The following GALNTL6 variants were observed in gnomAD, a reference collection of about 807,000 sequenced individuals.
GALNTL6 encodes the protein polypeptide N-acetylgalactosaminyltransferase-like 6.
GALNTL6 carries 46 observed loss-of-function variants against 73.7 expected under a neutral mutation model. That is an observed-to-expected ratio of 0.62 (90% CI 0.49 to 0.80). The LOEUF (loss-of-function observed/expected upper bound fraction) is 0.80. GALNTL6 is among the 30% of genes least tolerant of loss of function. GALNTL6 has a pLI of 0.00. For synonymous variants in GALNTL6, 259 were observed against 263.7 expected (o/e 0.98, Z 0.17); for missense variants, 604 against 755.0 (o/e 0.80, Z 2.34).
At chr4:172,516,730 A>G (rs1010917679) in intron 5 of GALNTL6, among the ~76,000 whole-genome samples, 4 of 152,186 alleles carry the variant, frequency 2.6e-5, no homozygotes, top group African/African-American at 9.7e-5. Context: ...AGATTTGTAT[A>G]TCCATGTTTA....
rs1579292125 is a variant in GALNTL6, at chr4:172,242,000, AAAAGAG to A, written c.247+12239_247+12244del. ...AATACAAATTCCTTTAATACAGTAT[AAAAGAG>A]AATGTACATTTTGATATTGATTCAT... On this transcript the variant is annotated intron_variant, in intron 3 of 12. Coordinates refer to ENST00000506823, the MANE Select transcript of GALNTL6 (RefSeq NM_001034845.3). Among the ~76,000 whole-genome samples the A allele has an allele frequency of 1.6e-4, 24 of 152,308 alleles. No homozygotes were observed. The East Asian group carries it at 4.6e-3, about 29-fold the overall frequency.
intron 7 of GALNTL6, among the ~76,000 whole-genome samples, chr4:172,877,149 AT>A (rs1745234575): frequency 6.6e-6 from 1 of 152,136 alleles, no homozygotes; most frequent in East Asian, 1.9e-4. Flanking sequence ...TAGTAAGTAA[AT>A]TTTTTAATAA....
intron 8 of GALNTL6, among the ~76,000 whole-genome samples, chr4:172,903,925 G>C (rs1746752313): frequency 4.6e-5 from 7 of 152,082 alleles, no homozygotes; most frequent in Admixed American, 4.6e-4. Context: ...CGGTAGAAAT[G>C]ATTCTATCAC....
chr4:172,149,869 C>A (rs1178583281), intron 2 of GALNTL6, among the ~76,000 whole-genome samples: 1 of 152,154 alleles, frequency 6.6e-6, no homozygotes, highest in Non-Finnish European at 1.5e-5. Context: ...AAAACACACA[C>A]AATTCCTCTT....
intron 5 of GALNTL6, among the ~76,000 whole-genome samples, chr4:172,429,705 C>T (rs974418010): frequency 2.6e-5 from 4 of 152,058 alleles, no homozygotes; most frequent in African/African-American, 9.7e-5. Context: ...AGGCTTTCAC[C>T]TTAGTCTTAC....
intron 5 of GALNTL6, among the ~76,000 whole-genome samples, chr4:172,800,585 T>C (rs1298636471): frequency 6.6e-6 from 1 of 152,200 alleles, no homozygotes; most frequent in Non-Finnish European, 1.5e-5. Context: ...TGAACTGAAT[T>C]ATCAAGTACT....
At chr4:172,694,347 A>G (rs1477779318) in intron 5 of GALNTL6, among the ~76,000 whole-genome samples, 1 of 151,108 alleles carries the variant, frequency 6.6e-6, no homozygotes, top group African/African-American at 2.4e-5. Flanking sequence ...CCCTGTGTCC[A>G]TGTGTTCTCA....
chr4:172,221,331 C>T (rs1462785117), intron 2 of GALNTL6, among the ~76,000 whole-genome samples: 1 of 151,288 alleles, frequency 6.6e-6, no homozygotes, highest in African/African-American at 2.4e-5. Context: ...TTTTCCTTGA[C>T]GAATTGATAG....
Position 172,487,912 on chromosome 4 carries a change from A to C in GALNTL6, c.553+139223A>C, listed in dbSNP as rs186496023. Among the ~76,000 whole-genome samples the C allele has an allele frequency of 8.6e-3, 1,313 of 152,278 alleles. 5 individuals carry two copies. The highest frequency in any genetic ancestry group is 0.02 in the Middle Eastern group (6 of 294). ...TTTGGAGAATTAGGTGCTACCATAGAATTATTTTTAAAATGCAGCAGAGAA... is the reference window on the plus strand; with the variant it reads ...TTTGGAGAATTAGGTGCTACCATAGCATTATTTTTAAAATGCAGCAGAGAA... On this transcript the variant is annotated intron_variant, in intron 5 of 12. Coordinates refer to ENST00000506823, the MANE Select transcript of GALNTL6 (RefSeq NM_001034845.3).
rs375824810 is a variant in GALNTL6, at chr4:172,243,643, A to G, written c.247+13879A>G. Among the ~76,000 whole-genome samples, 4 of 152,260 alleles carry G rather than the reference A, an allele frequency of 2.6e-5. No individual in the cohort carries two copies. The East Asian group carries it at 5.8e-4, about 22-fold the overall frequency. On this transcript the variant is annotated intron_variant, in intron 3 of 12. Coordinates refer to ENST00000506823, the MANE Select transcript of GALNTL6 (RefSeq NM_001034845.3). ...AAGTCACTAAGCGGTTTTACTAATT[A>G]CTGCAAATTGCCGTAGATGAACATT...
At chr4:172,921,831 T>C (rs1284746964) in intron 8 of GALNTL6, among the ~76,000 whole-genome samples, 1 of 151,520 alleles carries the variant, frequency 6.6e-6, no homozygotes, top group Non-Finnish European at 1.5e-5. Context: ...AATGCATGTA[T>C]TCATTCACAG....
At chr4:172,345,561 A>G (rs890965916) in intron 4 of GALNTL6, among the ~76,000 whole-genome samples, 1 of 152,226 alleles carries the variant, frequency 6.6e-6, no homozygotes, top group Non-Finnish European at 1.5e-5. Flanking sequence ...CTAACTGAAC[A>G]TAAATAAGAG....
At chr4:172,283,463 G>A (rs559386734) in intron 3 of GALNTL6, among the ~76,000 whole-genome samples, 27 of 152,150 alleles carry the variant, frequency 1.8e-4, no homozygotes, top group African/African-American at 6.3e-4. Context: ...TTACTTTGTT[G>A]AGACAATAAT....
intron 2 of GALNTL6, among the ~76,000 whole-genome samples, chr4:172,076,013 T>C (rs1731692007): frequency 6.6e-6 from 1 of 151,984 alleles, no homozygotes; most frequent in South Asian, 2.1e-4. Context: ...GTTTGGTCTC[T>C]TTTGCAGAGA....
In GALNTL6 at chr4:173,005,348, G is replaced by A. The variant is rs570645932; in HGVS notation, c.1372-3830G>A. Reference sequence around the variant, plus strand: ...CACAATTGCAATGCTGTCAAGCCCTGAAACTGGGCATCAAAGGAATAAGGC... The same window carrying A: ...CACAATTGCAATGCTGTCAAGCCCTAAAACTGGGCATCAAAGGAATAAGGC... On this transcript the variant is annotated intron_variant, in intron 10 of 12. Transcript: ENST00000506823. 3.3e-5 allele frequency among the ~76,000 whole-genome samples: 5 copies of A among 152,164 alleles called. 1 individual carries two copies. The South Asian group carries it at 1.0e-3, about 32-fold the overall frequency.
At chr4:172,366,651 G>T (rs1208833563) in intron 5 of GALNTL6, among the ~76,000 whole-genome samples, 1 of 152,076 alleles carries the variant, frequency 6.6e-6, no homozygotes, top group Non-Finnish European at 1.5e-5. Context: ...ACAAATACCA[G>T]AGAGATCAAA....
chr4:171,980,393 T>G (rs1178885500), intron 2 of GALNTL6, among the ~76,000 whole-genome samples: 2 of 152,064 alleles, frequency 1.3e-5, no homozygotes, highest in African/African-American at 4.8e-5. Flanking sequence ...TTGAAAGACT[T>G]TAGCATGTTG....
chr4:172,167,573 A>G (rs976450966), intron 2 of GALNTL6, among the ~76,000 whole-genome samples: 3 of 152,250 alleles, frequency 2.0e-5, no homozygotes, highest in Admixed American at 6.5e-5. Flanking sequence ...AAATAACTAT[A>G]TATGACCATA....
intron 5 of GALNTL6, among the ~76,000 whole-genome samples, chr4:172,700,032 A>T (rs949316809): frequency 6.6e-6 from 1 of 152,180 alleles, no homozygotes; most frequent in Non-Finnish European, 1.5e-5. Flanking sequence ...TGACCTATGC[A>T]TAAGGATTTA....
Sources: gnomAD v4.1 joint callset for allele counts (sites outside exome capture counted in the v4.1 genomes callset) on GRCh38, gnomAD v4.1.1 for gene constraint, MANE v1.5 for transcripts, NCBI Gene and HGNC (gene_info 2026-07-23, HGNC 2026-07-21) for gene names.